The following IQSEC1 variants were observed in gnomAD, a reference collection of about 807,000 sequenced individuals.
The protein encoded by IQSEC1 is IQ motif and Sec7 domain ArfGEF 1, also known as IQ motif and SEC7 domain-containing protein 1.
In IQSEC1, 31 loss-of-function variants were observed where a neutral mutation model predicts 91.0. The observed-to-expected ratio is 0.34, with a 90% CI of 0.26 to 0.46. IQSEC1 has a LOEUF of 0.46. IQSEC1 is among the 20% of genes least tolerant of loss of function. The pLI is 1.00. For missense variants in IQSEC1, 1,388 were observed against 1,575.6 expected (o/e 0.88, Z 2.02); for synonymous variants, 699 against 662.6 (o/e 1.05, Z -0.84).
intron 12 of IQSEC1, among the ~76,000 whole-genome samples, chr3:12,903,843 C>T (rs867209531): frequency 5.6e-4 from 86 of 152,290 alleles, no homozygotes; most frequent in African/African-American, 6.3e-4. Context: ...TTGAGCGCTG[C>T]GCTGGACATG....
chr3:12,969,476 T>C (rs1383149843), intron 1 of IQSEC1, among the ~76,000 whole-genome samples: 1 of 152,132 alleles, frequency 6.6e-6, no homozygotes. Context: ...GCTGCACTGC[T>C]CAAAGACCAC....
chr3:13,276,255 A>G (rs1021017878), intron 1 of IQSEC1, among the ~76,000 whole-genome samples: 1 of 151,730 alleles, frequency 6.6e-6, no homozygotes, highest in South Asian at 2.1e-4. Flanking sequence ...CGCCAGGCTA[A>G]TTTTTTGTAT....
At chr3:12,977,635 T>A (rs1240760752) in intron 1 of IQSEC1, among the ~76,000 whole-genome samples, 3 of 152,160 alleles carry the variant, frequency 2.0e-5, no homozygotes, top group African/African-American at 7.2e-5. Context: ...TGTAGTGAGT[T>A]CACACCAAAG....
chr3:13,094,517 T>A (rs2246260), intron 2 of IQSEC1, among the ~76,000 whole-genome samples: 85,325 of 151,434 alleles, frequency 0.56, 24,738 homozygotes, highest in African/African-American at 0.71. Context: ...TTCCTTTTTG[T>A]CAGGAAGATC....
At chr3:13,206,394 T>C (rs1190672668) in intron 1 of IQSEC1, among the ~76,000 whole-genome samples, 1 of 152,144 alleles carries the variant, frequency 6.6e-6, no homozygotes, top group Non-Finnish European at 1.5e-5. Context: ...ACGCTCTACA[T>C]CCTTAATCAT....
intron 2 of IQSEC1, among the ~76,000 whole-genome samples, chr3:13,159,909 C>A (rs1373034686): frequency 6.6e-6 from 1 of 152,182 alleles, no homozygotes. Flanking sequence ...ACTCCACAAA[C>A]CTCTTCTCTT....
At chr3:13,239,167 T>C (rs1475235094) in intron 1 of IQSEC1, among the ~76,000 whole-genome samples, 1 of 152,240 alleles carries the variant, frequency 6.6e-6, no homozygotes, top group East Asian at 1.9e-4. Flanking sequence ...AAATTAAAAC[T>C]GGAAGCCGGC....
Position 12,967,770 on chromosome 3 carries a change from G to A in IQSEC1, c.24-25905C>T, listed in dbSNP as rs1338444585. The A allele has an allele frequency of 1.1e-6, 1 of 923,462 alleles. No individual in the cohort carries two copies. Among genetic ancestry groups the A allele is most frequent in the Non-Finnish European group, 1.3e-6 (1 of 764,316 alleles). The allele number at this position is 923,462 out of a possible 1,614,324, so 57.2% of individuals were successfully genotyped here. A position where few individuals can be genotyped will look rare whatever the true frequency, so the allele number is the denominator to read the frequency against. Reference sequence around the variant, plus strand: ...GGGGGCGGGGCCGGAGGGCGAGCTGGGGGCGGGGCCGGAGGGCGAGCTGGG... The same window carrying A: ...GGGGGCGGGGCCGGAGGGCGAGCTGAGGGCGGGGCCGGAGGGCGAGCTGGG... On this transcript the variant is annotated intron_variant, in intron 1 of 13. Coordinates refer to ENST00000613206, the MANE Select transcript of IQSEC1 (RefSeq NM_001134382.3). This position sits in a 1 kb window ranked among gnomAD's most constrained non-coding sequence, Gnocchi z 5.9.
intron 1 of IQSEC1, among the ~76,000 whole-genome samples, chr3:12,968,198 C>G (rs1242072713): frequency 2.0e-5 from 3 of 152,188 alleles, no homozygotes; most frequent in African/African-American, 4.8e-5. Flanking sequence ...TTTATAAAAC[C>G]TGGCCTTTGC....
At position 12,952,258 on chromosome 3, in the gene IQSEC1, C is replaced by T. The variant is rs186385290; in HGVS notation, c.24-10393G>A. 9.4e-4 allele frequency among the ~76,000 whole-genome samples: 143 copies of T among 152,300 alleles called. 1 individual carries two copies. The highest frequency in any genetic ancestry group is 3.2e-3 in the African/African-American group (135 of 41,566). ...TGAGGCCTAGTAGACAGCCCAACCTCAGGCTCCAAACTGAGCTTCCTACAC... is the reference window on the plus strand; with the variant it reads ...TGAGGCCTAGTAGACAGCCCAACCTTAGGCTCCAAACTGAGCTTCCTACAC... On this transcript the variant is annotated intron_variant, in intron 1 of 13. Transcript: ENST00000613206.
intron 1 of IQSEC1, among the ~76,000 whole-genome samples, chr3:13,059,144 CAAG>C (rs1238817962): frequency 6.6e-6 from 1 of 152,144 alleles, no homozygotes; most frequent in African/African-American, 2.4e-5. Context: ...CCTCCAGACA[CAAG>C]GAGCTCAATG....
intron 2 of IQSEC1, among the ~76,000 whole-genome samples, chr3:13,145,811 G>GT (rs1167787333): frequency 1.5e-5 from 2 of 133,934 alleles, no homozygotes; most frequent in East Asian, 2.7e-4. Context: ...GGGCGGGGGG[G>GT]GGGGGTCCTG....
chr3:12,999,291 G>A (rs1406671802), intron 1 of IQSEC1, among the ~76,000 whole-genome samples: 4 of 152,154 alleles, frequency 2.6e-5, no homozygotes, highest in Non-Finnish European at 5.9e-5. Context: ...CTTAGATATG[G>A]AATGGCTGCT....
At chr3:12,944,149 T>A (rs1699006457) in intron 1 of IQSEC1, among the ~76,000 whole-genome samples, 1 of 152,184 alleles carries the variant, frequency 6.6e-6, no homozygotes, top group African/African-American at 2.4e-5. Context: ...GCAAGCCCTC[T>A]GAGGAACACC....
At chr3:13,224,011 A>G (rs1694709200) in intron 1 of IQSEC1, among the ~76,000 whole-genome samples, 1 of 152,208 alleles carries the variant, frequency 6.6e-6, no homozygotes, top group African/African-American at 2.4e-5. Flanking sequence ...CCTCAGCCCC[A>G]GAGCTGCTGG....
In IQSEC1 at chr3:13,246,117, C is replaced by CCA. The variant is rs538877575; in HGVS notation, c.272+36592_272+36593dup. Among the ~76,000 whole-genome samples the CCA allele has an allele frequency of 1.3e-4, 20 of 152,324 alleles. 1 individual carries two copies. The South Asian group carries it at 2.3e-3, about 17-fold the overall frequency. Reference sequence around the variant, plus strand: ...ACTAAATAGTAGTGCATCCGAGCATCCATCAATGGATGAATATACAAACAA... The same window carrying CCA: ...ACTAAATAGTAGTGCATCCGAGCATCCACATCAATGGATGAATATACAAACAA... On this transcript the variant is annotated intron_variant, in intron 1 of 15. Coordinates refer to the IQSEC1 transcript ENST00000648114.
rs146234557 is a variant in IQSEC1 at position 13,036,836 on chromosome 3, G to A, written c.23+36156C>T. On this transcript the variant is annotated intron_variant, in intron 1 of 13. Coordinates refer to ENST00000613206, the MANE Select transcript of IQSEC1 (RefSeq NM_001134382.3). ...AACAGAAGCAATCTGTGAAACCTGCGCATCAGGAGATCAGTTGGCACCTTG... is the reference window on the plus strand; with the variant it reads ...AACAGAAGCAATCTGTGAAACCTGCACATCAGGAGATCAGTTGGCACCTTG... 7.0e-3 allele frequency among the ~76,000 whole-genome samples: 1,063 copies of A among 152,306 alleles called. 8 individuals are homozygous for A. Among genetic ancestry groups the A allele is most frequent in the African/African-American group, 0.021 (889 of 41,564 alleles).
At chr3:13,133,017 T>C (rs1054357292) in intron 2 of IQSEC1, among the ~76,000 whole-genome samples, 76 of 152,332 alleles carry the variant, frequency 5.0e-4, no homozygotes, top group African/African-American at 1.8e-3. Context: ...ATATTAAAAT[T>C]TGACATCAAC....
chr3:12,971,270 A>G (rs1700878246), intron 1 of IQSEC1, among the ~76,000 whole-genome samples: 1 of 152,206 alleles, frequency 6.6e-6, no homozygotes, highest in Non-Finnish European at 1.5e-5. Context: ...AACATGGGGG[A>G]AGACAGTGAC....
Sources: allele counts gnomAD v4.1 joint callset (sites outside exome capture counted in the v4.1 genomes callset), GRCh38; gene constraint gnomAD v4.1.1; non-coding constraint Gnocchi (gnomAD v3.1); transcripts MANE v1.5; gene names NCBI Gene and HGNC (gene_info 2026-07-23, HGNC 2026-07-21).